Variants in APAF1 observed in about 807,000 individuals in gnomAD.
APAF1 encodes the protein apoptotic protease-activating factor 1.
In APAF1, 91 loss-of-function variants were observed where a neutral mutation model predicts 152.4. The ratio of observed to expected loss-of-function variants is 0.60; its 90% CI spans 0.50 to 0.71. The LOEUF (loss-of-function observed/expected upper bound fraction) is 0.71. Ranked by LOEUF, APAF1 falls within the 30% of genes least tolerant of loss-of-function variation. APAF1 has a pLI of 0.00. For synonymous variants in APAF1, 484 were observed against 494.1 expected, an observed-to-expected ratio of 0.98 and a Z score of 0.27; for missense variants, 1,283 against 1,472.0, an observed-to-expected ratio of 0.87 and a Z score of 2.10.
intron 12 of APAF1, among the ~76,000 whole-genome samples, chr12:98,672,997 A>T (rs1462195668): frequency 6.6e-6 from 1 of 151,716 alleles, no homozygotes; most frequent in Non-Finnish European, 1.5e-5. Context: ...ACCTCAGGTG[A>T]TCCACCCGCC....
intron 26 of APAF1, among the ~76,000 whole-genome samples, chr12:98,731,074 G>A (rs1220455044): frequency 6.6e-6 from 1 of 152,190 alleles, no homozygotes; most frequent in Non-Finnish European, 1.5e-5. Flanking sequence ...TTTTGGCCTT[G>A]AGATAGGCTG....
intron 26 of APAF1, among the ~76,000 whole-genome samples, chr12:98,728,847 T>TA (rs2097755489): frequency 6.6e-6 from 1 of 152,260 alleles, no homozygotes; most frequent in African/African-American, 2.4e-5. Flanking sequence ...TTACTAGTGA[T>TA]TGAGGCCGCA....
At position 98,671,086 on chromosome 12, in the gene APAF1, G is replaced by A. The variant is rs770359491; in HGVS notation, c.1608G>A (p.Lys536=). The A allele has an allele frequency of 2.0e-6, 3 of 1,534,556 alleles. No homozygotes were observed. Among genetic ancestry groups the A allele is most frequent in the Admixed American group, 1.7e-5 (1 of 59,426 alleles). ...AATACAGACATATACTAGATGAAAA[G>A]GTATATATATTAACATGAAAAATTA... ...FVEYRHILDE[K]DCAVSENFQE... Residue 536 remains lysine, a splice_region_variant and synonymous_variant, in exon 11 of 27, where the codon AAG becomes AAA. Transcript: ENST00000551964.
chr12:98,656,687 C>T (rs943409543), intron 4 of APAF1, among the ~76,000 whole-genome samples: 2 of 152,174 alleles, frequency 1.3e-5, no homozygotes, highest in Admixed American at 6.5e-5. Context: ...GAATATTCGC[C>T]GTCTTGCCTT....
rs1488058589 is a variant in APAF1, at chr12:98,733,112, C to T, written c.*546C>T. ...CCTTTAATTGACTCAATAAGTGAGT[C>T]TTGGATTTAGCAGGCCCCCCCACCT... On this transcript the variant is annotated 3_prime_UTR_variant, in exon 27 of 27. Coordinates refer to ENST00000551964, the MANE Select transcript of APAF1 (RefSeq NM_181861.2). The T allele has an allele frequency of 6.6e-6, 1 of 152,520 alleles. No homozygotes were observed. The highest frequency in any genetic ancestry group is 2.4e-5 in the African/African-American group (1 of 41,252). 9.4% of individuals were successfully genotyped at this position (152,520 alleles called of 1,614,324 possible). A position where few individuals can be genotyped will look rare whatever the true frequency, so the allele number is the denominator to read the frequency against.
chr12:98,664,115 G>A (rs2097669182), intron 7 of APAF1, among the ~76,000 whole-genome samples: 1 of 151,906 alleles, frequency 6.6e-6, no homozygotes, highest in East Asian at 1.9e-4. Context: ...TGCTGCCCAG[G>A]TTCAAGTGAT....
At chr12:98,726,965 G>T (rs571512868) in intron 25 of APAF1, among the ~76,000 whole-genome samples, 4 of 151,948 alleles carry the variant, frequency 2.6e-5, no homozygotes, top group Non-Finnish European at 5.9e-5. Context: ...TCTTATTCTG[G>T]TGTACCTTTA....
chr12:98,669,460 T>A (rs1268899501), intron 10 of APAF1, among the ~76,000 whole-genome samples: 1 of 152,180 alleles, frequency 6.6e-6, no homozygotes, highest in East Asian at 1.9e-4. Context: ...TCTAGATCAT[T>A]TTGCTGCTTC....
At chr12:98,649,129 A>T (rs1032930179) in intron 3 of APAF1, 1 of 730,888 alleles carries the variant, frequency 1.4e-6, no homozygotes, top group African/African-American at 1.9e-5. Context: ...GGAAAAAATA[A>T]GAATCTTTAG....
At chr12:98,701,874 A>G (rs1393462584) in intron 17 of APAF1, among the ~76,000 whole-genome samples, 1 of 152,024 alleles carries the variant, frequency 6.6e-6, no homozygotes, top group Non-Finnish European at 1.5e-5. Context: ...TTACTATTCC[A>G]TAATTGGGAC....
At chr12:98,709,694 C>T (rs2097725773) in intron 20 of APAF1, among the ~76,000 whole-genome samples, 1 of 152,116 alleles carries the variant, frequency 6.6e-6, no homozygotes. Context: ...GCATGTGGAG[C>T]TGACAGCATG....
At chr12:98,717,815 G>T (rs946952340) in intron 22 of APAF1, among the ~76,000 whole-genome samples, 18 of 152,114 alleles carry the variant, frequency 1.2e-4, no homozygotes, top group Non-Finnish European at 1.5e-5. Flanking sequence ...GGCTATCAGA[G>T]ATCTGTACTG....
chr12:98,726,050 C>T (rs933600620), intron 25 of APAF1, among the ~76,000 whole-genome samples: 4 of 152,292 alleles, frequency 2.6e-5, no homozygotes, highest in African/African-American at 9.6e-5. Flanking sequence ...ACATTTCCGT[C>T]ATTGTGGGGC....
At chr12:98,686,521 T>C (rs1323791550) in intron 15 of APAF1, among the ~76,000 whole-genome samples, 1 of 152,242 alleles carries the variant, frequency 6.6e-6, no homozygotes, top group Non-Finnish European at 1.5e-5. Context: ...AAAACCTCGG[T>C]GAGCCTTTGA....
At chr12:98,695,069 C>T (rs1049220749) in intron 16 of APAF1, among the ~76,000 whole-genome samples, 62 of 149,438 alleles carry the variant, frequency 4.1e-4, no homozygotes, top group African/African-American at 1.5e-3. Context: ...TTTTTCCCTC[C>T]CGAGATGGAG....
rs878915343 is a variant in APAF1 at position 98,727,414 on chromosome 12, C to A, written c.3600+98C>A. ...GTTTCTCAGTTGGGCCTTTTACAAC[C>A]CAGCAGAGTAAAAAGGCTGCTACTC... On this transcript the variant is annotated intron_variant, in intron 26 of 26. Transcript: ENST00000551964. 7.9e-5 allele frequency: 110 copies of A among 1,399,192 alleles called. 1 individual carries two copies. In the South Asian group the frequency reaches 1.3e-3, roughly 16 times the overall value. 86.7% of individuals were successfully genotyped at this position (1,399,192 alleles called of 1,614,324 possible).
In APAF1 at chr12:98,723,229, C is replaced by T. The variant is rs139016212; in HGVS notation, c.3121C>T (p.Arg1041Ter). The change falls in exon 23 of 27, where the codon CGA (arginine) becomes TGA (stop). Residue 1041 changes from arginine (R) to a stop codon, truncating the protein, a stop_gained. Transcript: ENST00000551964. LOFTEE classifies it high-confidence loss of function. ...GCAATTGGACAAATGTATCTTTCTA[C>T]GAGGCCATCAGGAAACAGTGAAAGA... Reference protein sequence around the residue: ...NWQLDKCIFLRGHQETVKDFR... With the variant: ...NWQLDKCIFL 66 of 1,613,172 alleles carry T rather than the reference C, an allele frequency of 4.1e-5. No homozygotes were observed. The African/African-American group carries it at 7.3e-4, about 18-fold the overall frequency.
At chr12:98,649,349 T>G in intron 3 of APAF1, 138 bp from the exon 4 acceptor site, 1 of 1,302,370 alleles carries the variant, frequency 7.7e-7, no homozygotes, top group Non-Finnish European at 1.1e-6. Context: ...TTGAAGTTAA[T>G]ATGCTAGCCA....
chr12:98,690,729 T>G (rs1238179446), intron 16 of APAF1, among the ~76,000 whole-genome samples: 1 of 152,228 alleles, frequency 6.6e-6, no homozygotes, highest in Non-Finnish European at 1.5e-5. Flanking sequence ...GCTTTTCCAC[T>G]AGTGCCTATT....
Sources: allele counts gnomAD v4.1 joint callset (sites outside exome capture counted in the v4.1 genomes callset), GRCh38; gene constraint gnomAD v4.1.1; transcripts MANE v1.5; gene names NCBI Gene and HGNC (gene_info 2026-07-23, HGNC 2026-07-21).